Variants in SLCO6A1 observed in about 807,000 individuals in gnomAD.
The protein encoded by SLCO6A1 is solute carrier organic anion transporter family member 6A1, also known as cancer/testis antigen 48.
In SLCO6A1, 65 loss-of-function variants were observed where a neutral mutation model predicts 72.7. The observed-to-expected ratio is 0.89, with a 90% CI of 0.73 to 1.10. SLCO6A1 has a LOEUF of 1.10. Among genes scored for constraint, SLCO6A1 ranks in the 50% least tolerant of loss-of-function variants. SLCO6A1 has a pLI of 0.00. For synonymous variants in SLCO6A1, 314 were observed against 298.2 expected (o/e 1.05, Z -0.55); for missense variants, 874 against 872.6 (o/e 1.00, Z -0.02).
intron 7 of SLCO6A1, among the ~76,000 whole-genome samples, chr5:102,421,501 G>A (rs967862616): frequency 6.6e-6 from 1 of 152,118 alleles, no homozygotes; most frequent in Non-Finnish European, 1.5e-5. Flanking sequence ...AAACAAAGCC[G>A]ATGGGAAGTT....
rs542578115 is a variant in SLCO6A1, at chr5:102,463,484, AC to A, written c.900-3708del. On this transcript the variant is annotated intron_variant, in intron 4 of 13. Transcript: ENST00000506729. Reference sequence around the variant, plus strand: ...CTTGCACATACATGTTTATAGCAGCACAACTTGCAATTGCAAAAATATGGAA... The same window carrying A: ...CTTGCACATACATGTTTATAGCAGCAAACTTGCAATTGCAAAAATATGGAA... 5.5e-3 allele frequency among the ~76,000 whole-genome samples: 845 copies of A among 152,370 alleles called. 1 individual carries two copies. The highest frequency in any genetic ancestry group is 8.9e-3 in the Non-Finnish European group (604 of 68,040).
In SLCO6A1 at chr5:102,448,317, C is replaced by T. The variant is rs188352780; in HGVS notation, c.1132-9556G>A. On this transcript the variant is annotated intron_variant, in intron 6 of 13. Coordinates refer to ENST00000506729, the MANE Select transcript of SLCO6A1 (RefSeq NM_173488.5). ...TGCGTGGTCAATTTTAGAGGATGTG[C>T]CATGTGCAGATGAGAAGAATGTATA... Among the ~76,000 whole-genome samples, 248 of 152,206 alleles carry T rather than the reference C, an allele frequency of 1.6e-3. 1 individual carries two copies. The highest frequency in any genetic ancestry group is 5.4e-3 in the African/African-American group (224 of 41,514).
chr5:102,469,336 G>A (rs527796898), intron 4 of SLCO6A1, among the ~76,000 whole-genome samples: 3 of 151,936 alleles, frequency 2.0e-5, no homozygotes, highest in South Asian at 4.2e-4. Context: ...TTTTTATTTC[G>A]TTGAGCAGTG....
chr5:102,438,599 A>G lies in SLCO6A1; in HGVS notation c.1276+18T>C. On this transcript the variant is annotated intron_variant, in intron 7 of 13. Transcript: ENST00000506729. Reference sequence around the variant, plus strand: ...ACAGTGCAAAATTTTTGAAATGACAATAAGAAGGTAAATCTACCTGCAAGT... The same window carrying G: ...ACAGTGCAAAATTTTTGAAATGACAGTAAGAAGGTAAATCTACCTGCAAGT... 3 of 1,578,034 alleles carry G rather than the reference A, an allele frequency of 1.9e-6. No homozygotes were observed. In the East Asian group the frequency reaches 6.9e-5, roughly 36 times the overall value.
chr5:102,458,467 T>G lies in SLCO6A1; in HGVS notation c.1046A>C (p.Lys349Thr). Reference sequence around the variant, plus strand: ...GTCAAAAAAATGAAGCTGTTTACGTTTCCTAGCTTTTATCCGTGTTGAACC... The same window carrying G: ...GTCAAAAAAATGAAGCTGTTTACGTGTCCTAGCTTTTATCCGTGTTGAACC... ...MPGSTRIKAR[K>T]RKQLHFFDSR... The change falls in exon 6 of 14, where the codon AAA (lysine) becomes ACA (threonine). Residue 349 changes from lysine (K) to threonine (T), a missense_variant. Transcript: ENST00000506729. 1 of 1,612,700 alleles carries G rather than the reference T, an allele frequency of 6.2e-7. No individual in the cohort carries two copies.
chr5:102,399,990 C>G (rs1747313314), intron 9 of SLCO6A1, among the ~76,000 whole-genome samples: 1 of 151,340 alleles, frequency 6.6e-6, no homozygotes, highest in Non-Finnish European at 1.5e-5. Context: ...TTAGGAAAAG[C>G]TCTGTTAATT....
chr5:102,478,693 G>A (rs1222916131), intron 2 of SLCO6A1, among the ~76,000 whole-genome samples: 2 of 152,058 alleles, frequency 1.3e-5, no homozygotes, highest in South Asian at 4.1e-4. Flanking sequence ...TTTGTAGATT[G>A]TTAGATCCAG....
intron 10 of SLCO6A1, among the ~76,000 whole-genome samples, chr5:102,393,538 A>C (rs1562961): frequency 4.8e-4 from 73 of 152,086 alleles, no homozygotes; most frequent in African/African-American, 1.7e-3. Context: ...CCCCAGAATA[A>C]GTTAGACTAT....
intron 12 of SLCO6A1, among the ~76,000 whole-genome samples, chr5:102,387,250 T>C (rs1746466904): frequency 6.6e-6 from 1 of 152,180 alleles, no homozygotes; most frequent in African/African-American, 2.4e-5. Flanking sequence ...ATATACTGGC[T>C]TACACTAAAT....
intron 4 of SLCO6A1, among the ~76,000 whole-genome samples, chr5:102,460,844 T>C (rs934196851): frequency 1.0e-4 from 15 of 149,934 alleles, no homozygotes; most frequent in African/African-American, 2.4e-4. Context: ...TATTAAGGAA[T>C]AGAAATTCCA....
At chr5:102,424,386 AAAAAG>A (rs1748776212) in intron 7 of SLCO6A1, among the ~76,000 whole-genome samples, 1 of 152,182 alleles carries the variant, frequency 6.6e-6, no homozygotes. Context: ...CAGACTAATA[AAAAAG>A]AAAAGAGGGA....
intron 6 of SLCO6A1, among the ~76,000 whole-genome samples, chr5:102,454,463 C>T (rs1750596517): frequency 6.6e-6 from 1 of 152,204 alleles, no homozygotes; most frequent in Admixed American, 6.5e-5. Context: ...GGATTTTCCA[C>T]GTTTCTCTCT....
At chr5:102,482,732 T>C (rs1752273008) in intron 1 of SLCO6A1, among the ~76,000 whole-genome samples, 1 of 152,196 alleles carries the variant, frequency 6.6e-6, no homozygotes, top group Non-Finnish European at 1.5e-5. Context: ...TTGGTAAATA[T>C]GGTAATACTG....
chr5:102,480,450 A>G lies in SLCO6A1; in HGVS notation c.359-16T>C. On this transcript the variant is annotated splice_polypyrimidine_tract_variant and intron_variant, in intron 1 of 13. Transcript: ENST00000506729. ...AACACCACACCTAAAATGTAAAAAG[A>G]AAAAGAGAAAACAACGATATGCATT... 6.3e-7 allele frequency: 1 copy of G among 1,588,946 alleles called. No individual in the cohort carries two copies. Among genetic ancestry groups the G allele is most frequent in the Non-Finnish European group, 8.5e-7 (1 of 1,170,798 alleles).
intron 7 of SLCO6A1, among the ~76,000 whole-genome samples, chr5:102,425,922 T>G (rs1748866701): frequency 6.6e-6 from 1 of 152,052 alleles, no homozygotes; most frequent in South Asian, 2.1e-4. Context: ...AAAACAGAGA[T>G]ATAGACCAAT....
intron 8 of SLCO6A1, among the ~76,000 whole-genome samples, chr5:102,417,775 G>C (rs1197486926): frequency 6.6e-6 from 1 of 151,756 alleles, no homozygotes; most frequent in Non-Finnish European, 1.5e-5. Context: ...ATTTTATGTA[G>C]TGTGGGTCAG....
chr5:102,491,676 C>T (rs917042062), intron 1 of SLCO6A1, among the ~76,000 whole-genome samples: 8 of 152,254 alleles, frequency 5.3e-5, no homozygotes, highest in South Asian at 2.1e-4. Flanking sequence ...ACCCAGAACT[C>T]GTGCTGGCCC....
rs577365700 is a variant in SLCO6A1, at chr5:102,491,829, T to C, written c.358+6658A>G. 2.7e-3 allele frequency among the ~76,000 whole-genome samples: 405 copies of C among 152,348 alleles called. 3 individuals are homozygous for C. The highest frequency in any genetic ancestry group is 9.3e-3 in the African/African-American group (387 of 41,588). On this transcript the variant is annotated intron_variant, in intron 1 of 13. Coordinates refer to ENST00000506729, the MANE Select transcript of SLCO6A1 (RefSeq NM_173488.5). ...GGCAGGCTGGAGGGCTCCTCAAGCATGGCCAGAGTGGGCGCCAAGGCGGAG... is the reference window on the plus strand; with the variant it reads ...GGCAGGCTGGAGGGCTCCTCAAGCACGGCCAGAGTGGGCGCCAAGGCGGAG...
At chr5:102,459,629 A>T in intron 5 of SLCO6A1, 27 bp downstream of exon 5, 1 of 1,563,340 alleles carries the variant, frequency 6.4e-7, no homozygotes, top group Non-Finnish European at 8.6e-7. Flanking sequence ...CTATCCTCCA[A>T]TTTAATAAAT....
Sources: gnomAD v4.1 joint callset for allele counts (sites outside exome capture counted in the v4.1 genomes callset) on GRCh38, gnomAD v4.1.1 for gene constraint, MANE v1.5 for transcripts, NCBI Gene and HGNC (gene_info 2026-07-23, HGNC 2026-07-21) for gene names.